Variants in ZNF318 observed in about 807,000 individuals in gnomAD.
The protein encoded by ZNF318 is zinc finger protein 318.
Under a neutral mutation model 124.2 loss-of-function variants are expected in ZNF318, and 51 were observed. That is an observed-to-expected ratio of 0.41 (90% CI 0.33 to 0.52). The LOEUF (loss-of-function observed/expected upper bound fraction) is 0.52. Ranked by LOEUF, ZNF318 falls within the 20% of genes least tolerant of loss-of-function variation. The pLI, the probability that ZNF318 is intolerant of heterozygous loss-of-function variation, is 0.23. For missense variants in ZNF318, 2,815 were observed against 2,811.2 expected (o/e 1.00, Z -0.03); for synonymous variants, 1,090 against 1,040.7 (o/e 1.05, Z -0.91).
rs371413793 is a variant in ZNF318 at position 43,348,645 on chromosome 6, C to G, written c.2771-20G>C. 5.4e-5 allele frequency: 87 copies of G among 1,603,602 alleles called. No individual in the cohort carries two copies. Among genetic ancestry groups the G allele is most frequent in the Middle Eastern group, 1.7e-4 (1 of 6,020 alleles). On this transcript the variant is annotated intron_variant, in intron 5 of 9. Coordinates refer to ENST00000361428, the MANE Select transcript of ZNF318 (RefSeq NM_014345.3). ...TTTCTCCTGAGCAATCAAATGTCAA[C>G]AAAAAGAAGCACAGGGAAAATAAGA...
chr6:43,355,783 A>G lies in ZNF318; in HGVS notation c.1551T>C (p.Ser517=), dbSNP rs772274615. 2.3e-5 allele frequency: 37 copies of G among 1,614,244 alleles called. No homozygotes were observed. The highest frequency in any genetic ancestry group is 3.1e-5 in the Non-Finnish European group (37 of 1,180,040). ...FSRILSMLAD[S]TSTQEKRRRS... ...GTCGCCTTTTTTCCTGTGTACTGGTAGAATCAGCCAACATGCTCAGAATGC... is the reference window on the plus strand; with the variant it reads ...GTCGCCTTTTTTCCTGTGTACTGGTGGAATCAGCCAACATGCTCAGAATGC... The change falls in exon 4 of 10, where the codon TCT becomes TCC. Residue 517 remains serine (S), a synonymous_variant. Coordinates refer to ENST00000361428, the MANE Select transcript of ZNF318 (RefSeq NM_014345.3).
chr6:43,358,484 G>A (rs868752820), intron 2 of ZNF318, among the ~76,000 whole-genome samples: 1 of 136,336 alleles, frequency 7.3e-6, no homozygotes, highest in Non-Finnish European at 1.5e-5. Context: ...GGATGGTCTT[G>A]ATCTCCTGAC....
chr6:43,369,454 C>T lies in ZNF318; in HGVS notation c.-89G>A. On this transcript the variant is annotated 5_prime_UTR_variant, in exon 1 of 10. Coordinates refer to ENST00000361428, the MANE Select transcript of ZNF318 (RefSeq NM_014345.3). ...AGCGCGCCGCCGCAGCTGCAGCCGC[C>T]GCCACCTCGGCCGCTGCGCGCCGCC... is the stretch of plus-strand genomic sequence containing the variant. The T allele has an allele frequency of 9.5e-7, 1 of 1,056,424 alleles. No individual in the cohort carries two copies. Among genetic ancestry groups the T allele is most frequent in the Non-Finnish European group, 1.2e-6 (1 of 857,764 alleles). 65.4% of individuals were successfully genotyped at this position (1,056,424 alleles called of 1,614,324 possible).
intron 5 of ZNF318, among the ~76,000 whole-genome samples, chr6:43,351,925 G>A (rs1452233264): frequency 6.6e-6 from 1 of 152,172 alleles, no homozygotes; most frequent in African/African-American, 2.4e-5. Flanking sequence ...TGGATCACCT[G>A]AGGTGAGGAG....
intron 2 of ZNF318, among the ~76,000 whole-genome samples, chr6:43,363,096 C>T (rs1049031533): frequency 6.6e-6 from 1 of 152,144 alleles, no homozygotes. Context: ...CCCCAAACTC[C>T]TTAAGAGGAA....
intron 1 of ZNF318, chr6:43,368,748 C>T: frequency 2.0e-6 from 2 of 985,476 alleles, no homozygotes; most frequent in East Asian, 2.3e-4. Flanking sequence ...AGGAACGGAG[C>T]GCGCACTCCC....
chr6:43,362,330 G>A (rs1444748855), intron 2 of ZNF318, among the ~76,000 whole-genome samples: 1 of 151,730 alleles, frequency 6.6e-6, no homozygotes, highest in Non-Finnish European at 1.5e-5. Context: ...GTCCGCACCT[G>A]TAATCCCAGC....
Position 43,337,512 on chromosome 6 carries a change from G to A in ZNF318, c.6486C>T (p.Gly2162=), listed in dbSNP as rs569753228. 1.3e-5 allele frequency: 21 copies of A among 1,614,146 alleles called. No homozygotes were observed. In the South Asian group the frequency reaches 1.5e-4, roughly 12 times the overall value. ...CTGGAAGGCAAGGAGATGGCCCAAG[G>A]CCTGCAGAATTAATTGTTTTTAATT... ...GLELKTINSA[G]LGPSPCLPDL... is the part of the protein sequence containing the mutation. The change falls in exon 10 of 10, where the codon GGC becomes GGT. Residue 2162 remains glycine (G), a synonymous_variant. Transcript: ENST00000361428.
At chr6:43,350,778 C>A (rs968481750) in intron 5 of ZNF318, among the ~76,000 whole-genome samples, 1 of 152,112 alleles carries the variant, frequency 6.6e-6, no homozygotes, top group Non-Finnish European at 1.5e-5. Context: ...ACTGCCACTG[C>A]ACTTCAGCCT....
intron 5 of ZNF318, among the ~76,000 whole-genome samples, chr6:43,351,292 G>A (rs572277692): frequency 6.6e-6 from 1 of 152,214 alleles, no homozygotes; most frequent in East Asian, 1.9e-4. Flanking sequence ...TGCTATAAAG[G>A]GCATTAACGG....
At chr6:43,359,180 T>C (rs1013512414) in intron 2 of ZNF318, among the ~76,000 whole-genome samples, 1 of 152,242 alleles carries the variant, frequency 6.6e-6, no homozygotes, top group Non-Finnish European at 1.5e-5. Context: ...ACAGCCTGTT[T>C]TGTCACCCTC....
chr6:43,352,992 T>C (rs1255128366), intron 4 of ZNF318, among the ~76,000 whole-genome samples: 3 of 152,206 alleles, frequency 2.0e-5, no homozygotes, highest in African/African-American at 7.2e-5. Flanking sequence ...TCCAGGTATA[T>C]CTGCCCTAAA....
chr6:43,345,360 A>C (rs574628742), intron 6 of ZNF318, among the ~76,000 whole-genome samples: 6 of 152,318 alleles, frequency 3.9e-5, no homozygotes, highest in African/African-American at 1.4e-4. Context: ...AACCAACTAT[A>C]CATTTTAAAG....
rs1779599963 is a variant in ZNF318 at position 43,355,776 on chromosome 6, T to C, written c.1558A>G (p.Thr520Ala). Residue 520 changes from threonine (T) to alanine (A), a missense_variant, in exon 4 of 10, where the codon ACA (threonine) becomes GCA (alanine). This residue lies in a region of ZNF318 where 1,377 missense variants were observed against 1,353.5 expected (regional missense o/e 1.02). Transcript: ENST00000361428. ...AAGCTACGTCGCCTTTTTTCCTGTG[T>C]ACTGGTAGAATCAGCCAACATGCTC... ...ILSMLADSTS[T>A]QEKRRRSFPD... is the part of the protein sequence containing the mutation. 1 of 1,614,248 alleles carries C rather than the reference T, an allele frequency of 6.2e-7. No individual in the cohort carries two copies. The highest frequency in any genetic ancestry group is 8.5e-7 in the Non-Finnish European group (1 of 1,180,034).
intron 2 of ZNF318, among the ~76,000 whole-genome samples, chr6:43,358,783 T>C (rs755756321): frequency 7.9e-5 from 12 of 151,790 alleles, no homozygotes; most frequent in Non-Finnish European, 1.3e-4. Context: ...CTCGAACTCC[T>C]GATCTCAGGT....
At chr6:43,346,601 A>G (rs572864296) in intron 6 of ZNF318, among the ~76,000 whole-genome samples, 2 of 152,240 alleles carry the variant, frequency 1.3e-5, no homozygotes, top group Non-Finnish European at 2.9e-5. Context: ...AAGACAACGA[A>G]ATAAATTTTA....
rs772133479 is a variant in ZNF318 at position 43,355,273 on chromosome 6, G to A, written c.2061C>T (p.His687=). ...ESREAHHSNT[H]SPEVSHPHPP... ...GGTGTGGATGGGACACCTCTGGAGA[G>A]TGGGTATTGCTATGATGTGCCTCCC... Residue 687 remains histidine, a synonymous_variant, in exon 4 of 10, where the codon CAC becomes CAT. Transcript: ENST00000361428. The A allele has an allele frequency of 7.2e-5, 116 of 1,614,102 alleles. 1 individual carries two copies. The Admixed American group carries it at 1.9e-3, about 27-fold the overall frequency.
intron 2 of ZNF318, among the ~76,000 whole-genome samples, chr6:43,358,776 G>A (rs918537649): frequency 4.0e-5 from 6 of 151,106 alleles, no homozygotes; most frequent in South Asian, 2.1e-4. Context: ...GGCTGGTCTC[G>A]AACTCCTGAT....
intron 5 of ZNF318, among the ~76,000 whole-genome samples, chr6:43,349,692 T>C (rs1177543456): frequency 1.3e-5 from 2 of 152,128 alleles, no homozygotes; most frequent in Non-Finnish European, 2.9e-5. Context: ...AGGAGCCTTG[T>C]TATGTTCTTT....
Sources: gnomAD v4.1 joint callset for allele counts (sites outside exome capture counted in the v4.1 genomes callset) on GRCh38, gnomAD v4.1.1 for gene constraint, gnomAD v4.1.1 regional missense constraint, MANE v1.5 for transcripts, NCBI Gene and HGNC (gene_info 2026-07-23, HGNC 2026-07-21) for gene names.